TOPAZ1: variants seen among roughly 807,000 people sequenced by gnomAD.
TOPAZ1 encodes the protein protein TOPAZ1.
TOPAZ1 carries 66 observed loss-of-function variants against 172.2 expected under a neutral mutation model. The ratio of observed to expected loss-of-function variants is 0.38; its 90% CI spans 0.31 to 0.47. The LOEUF is 0.47. Among genes scored for constraint, TOPAZ1 ranks in the 20% least tolerant of loss-of-function variants. The pLI, the probability that TOPAZ1 is intolerant of heterozygous loss-of-function variation, is 0.99. For missense variants in TOPAZ1, 1,822 were observed against 1,972.4 expected (o/e 0.92, Z 1.44); for synonymous variants, 681 against 683.9 (o/e 1.00, Z 0.07).
intron 16 of TOPAZ1, among the ~76,000 whole-genome samples, chr3:44,319,634 T>A (rs986715774): frequency 2.0e-5 from 3 of 152,202 alleles, no homozygotes; most frequent in Admixed American, 2.0e-4. Context: ...TCTCTCTATA[T>A]TAAAATGTCA....
chr3:44,298,369 G>T (rs1700223115), intron 12 of TOPAZ1, among the ~76,000 whole-genome samples: 1 of 152,050 alleles, frequency 6.6e-6, no homozygotes, highest in Non-Finnish European at 1.5e-5. Flanking sequence ...GCTGTGGGAG[G>T]ATCACTTGAG....
chr3:44,251,762 C>G (rs541721459), intron 2 of TOPAZ1, among the ~76,000 whole-genome samples: 1 of 152,072 alleles, frequency 6.6e-6, no homozygotes, highest in East Asian at 1.9e-4. Context: ...ACCTGTCTTA[C>G]TCTCTCCTCT....
At chr3:44,319,814 G>A (rs1559548507) in intron 16 of TOPAZ1, among the ~76,000 whole-genome samples, 1 of 152,056 alleles carries the variant, frequency 6.6e-6, no homozygotes, top group Non-Finnish European at 1.5e-5. Context: ...GATACTAAAA[G>A]CTTTCTTTTG....
At chr3:44,269,469 A>G (rs1235852766) in intron 7 of TOPAZ1, among the ~76,000 whole-genome samples, 168 bp downstream of exon 7, 1 of 32,900 alleles carries the variant, frequency 3.0e-5, no homozygotes, top group South Asian at 6.5e-4. Flanking sequence ...TTTCCCTATC[A>G]TCTTTTTTTT....
rs1190003851 is a variant in TOPAZ1 at position 44,241,987 on chromosome 3, C to A, written c.-67C>A. 4 of 1,428,658 alleles carry A rather than the reference C, an allele frequency of 2.8e-6. No individual in the cohort carries two copies. The African/African-American group carries it at 4.3e-5, about 15-fold the overall frequency. The allele number at this position is 1,428,658 out of a possible 1,614,324, so 88.5% of individuals were successfully genotyped here. A position where few individuals can be genotyped will look rare whatever the true frequency, so the allele number is the denominator to read the frequency against. On this transcript the variant is annotated 5_prime_UTR_variant, in exon 1 of 20. Coordinates refer to ENST00000309765, the MANE Select transcript of TOPAZ1 (RefSeq NM_001145030.2). ...AGTAGGTACCTCCAGGCGGGAGCAG[C>A]GTTTGCACCGCGGTGGGTTCCTGCG...
intron 8 of TOPAZ1, 91 bp from the exon 9 acceptor site, chr3:44,281,877 T>C: frequency 1.3e-6 from 1 of 768,122 alleles, no homozygotes; most frequent in Non-Finnish European, 2.0e-6. Flanking sequence ...TTTAAAAATT[T>C]CAATATAAGC....
chr3:44,327,053 C>G (rs1171026523), intron 18 of TOPAZ1, among the ~76,000 whole-genome samples: 1 of 152,188 alleles, frequency 6.6e-6, no homozygotes, highest in Non-Finnish European at 1.5e-5. Context: ...AATCCAAAAT[C>G]TGGAGCCAGA....
At chr3:44,254,080 T>A (rs1699666369) in intron 2 of TOPAZ1, among the ~76,000 whole-genome samples, 1 of 152,228 alleles carries the variant, frequency 6.6e-6, no homozygotes, top group African/African-American at 2.4e-5. Context: ...TCTCATTTAA[T>A]CCTCACAATA....
At chr3:44,247,718 C>T (rs1015494156) in intron 2 of TOPAZ1, among the ~76,000 whole-genome samples, 4 of 152,056 alleles carry the variant, frequency 2.6e-5, no homozygotes, top group Non-Finnish European at 5.9e-5. Flanking sequence ...TGGCGGATCT[C>T]GGCTCACTGC....
At chr3:44,265,827 GT>G (rs1699824222) in intron 5 of TOPAZ1, among the ~76,000 whole-genome samples, 1 of 152,166 alleles carries the variant, frequency 6.6e-6, no homozygotes, top group Admixed American at 6.6e-5. Context: ...AATGGTTAAA[GT>G]TGCCAGCTAC....
At chr3:44,302,279 G>A (rs773666928) in intron 12 of TOPAZ1, among the ~76,000 whole-genome samples, 13 of 151,826 alleles carry the variant, frequency 8.6e-5, no homozygotes, top group Non-Finnish European at 1.3e-4. Flanking sequence ...GTGTGGTGGC[G>A]GGCACCTGTA....
intron 17 of TOPAZ1, among the ~76,000 whole-genome samples, chr3:44,322,546 C>G (rs556296263): frequency 6.6e-6 from 1 of 152,116 alleles, no homozygotes; most frequent in Non-Finnish European, 1.5e-5. Flanking sequence ...TTGTCAAATG[C>G]TTTTTCGTTT....
downstream of TOPAZ1, among the ~76,000 whole-genome samples, chr3:44,334,470 C>T (rs534540745): frequency 1.7e-4 from 26 of 152,190 alleles, no homozygotes; most frequent in African/African-American, 6.0e-4. Flanking sequence ...CAGGAGACAC[C>T]GGATTCCATC....
intron 9 of TOPAZ1, among the ~76,000 whole-genome samples, chr3:44,283,643 T>C (rs1448060515): frequency 6.6e-6 from 1 of 152,232 alleles, no homozygotes; most frequent in Non-Finnish European, 1.5e-5. Flanking sequence ...TACAAAAATC[T>C]GTGAAAATGG....
At chr3:44,255,172 T>C in intron 3 of TOPAZ1, 143 bp downstream of exon 3, 2 of 499,346 alleles carry the variant, frequency 4.0e-6, no homozygotes, top group Non-Finnish European at 3.5e-6. Context: ...TTGTCAATTT[T>C]CCTGTTTTAA....
intron 16 of TOPAZ1, 42 bp downstream of exon 16, chr3:44,310,032 T>C: frequency 1.3e-6 from 2 of 1,494,918 alleles, no homozygotes; most frequent in Non-Finnish European, 9.0e-7. Flanking sequence ...TTCGTTATAC[T>C]TGTCATGCAT....
chr3:44,327,933 G>A (rs936157882), intron 18 of TOPAZ1, among the ~76,000 whole-genome samples: 1 of 152,078 alleles, frequency 6.6e-6, no homozygotes, highest in East Asian at 1.9e-4. Context: ...TAGTAGGGAT[G>A]GGGTTTCACC....
chr3:44,244,632 G>A lies in TOPAZ1; in HGVS notation c.2126G>A (p.Arg709Lys). 1.3e-6 allele frequency: 2 copies of A among 1,551,360 alleles called. No homozygotes were observed. The highest frequency in any genetic ancestry group is 1.7e-6 in the Non-Finnish European group (2 of 1,146,944). ...GAAGTAAATGCCAAGTCATCAGAGA[G>A]AGAAGCTTACAGTCCTCTAGAACTT... is the stretch of plus-strand genomic sequence containing the variant. ...RKEVNAKSSE[R>K]EAYSPLELLD... Residue 709 changes from arginine (R) to lysine (K), a missense_variant, in exon 2 of 20, where the codon AGA becomes AAA. Around this residue, in one of 2 missense-constraint regions of TOPAZ1, gnomAD observed 1,489 missense variants for 1,490.8 expected, o/e 1.00. Transcript: ENST00000309765.
chr3:44,255,542 C>A (rs1699688332), intron 3 of TOPAZ1, among the ~76,000 whole-genome samples: 1 of 151,544 alleles, frequency 6.6e-6, no homozygotes. Flanking sequence ...GTCCCAGCTA[C>A]TTGGGAGGCT....
Sources: gnomAD v4.1 joint callset for allele counts (sites outside exome capture counted in the v4.1 genomes callset) on GRCh38, gnomAD v4.1.1 for gene constraint, gnomAD v4.1.1 regional missense constraint, MANE v1.5 for transcripts, NCBI Gene and HGNC (gene_info 2026-07-23, HGNC 2026-07-21) for gene names.